The following CTNNA1 variants were observed in gnomAD, a reference collection of about 807,000 sequenced individuals.
The protein encoded by CTNNA1 is catenin alpha 1.
In CTNNA1, 37 loss-of-function variants were observed where a neutral mutation model predicts 98.4. The observed-to-expected ratio is 0.38, with a 90% CI of 0.29 to 0.49. The LOEUF is 0.49. Among genes scored for constraint, CTNNA1 ranks in the 20% least tolerant of loss-of-function variants. The pLI is 0.95. For synonymous variants in CTNNA1, 404 were observed against 413.2 expected (o/e 0.98, Z 0.27); for missense variants, 761 against 1,147.2 (o/e 0.66, Z 4.86).
chr5:138,801,064 T>C (rs1757525790), intron 3 of CTNNA1, among the ~76,000 whole-genome samples: 1 of 152,228 alleles, frequency 6.6e-6, no homozygotes, highest in Non-Finnish European at 1.5e-5. Flanking sequence ...TGCAATTTAC[T>C]GGCTGTGAAC....
intron 7 of CTNNA1, among the ~76,000 whole-genome samples, chr5:138,841,087 C>T (rs1054868829): frequency 6.6e-6 from 1 of 152,070 alleles, no homozygotes; most frequent in East Asian, 1.9e-4. Flanking sequence ...AGTCATAATG[C>T]CAACTTAGAA....
chr5:138,930,666 C>T lies in CTNNA1; in HGVS notation c.2192+12C>T. On this transcript the variant is annotated intron_variant, in intron 15 of 17. Transcript: ENST00000302763. ...ACAGACTTTACCCGGTGAGCAGCACCCCGGCCCCACCAGGCTGCACAGGGG... is the reference window on the plus strand; with the variant it reads ...ACAGACTTTACCCGGTGAGCAGCACTCCGGCCCCACCAGGCTGCACAGGGG... The T allele has an allele frequency of 6.2e-7, 1 of 1,606,920 alleles. No individual in the cohort carries two copies. Among genetic ancestry groups the T allele is most frequent in the Non-Finnish European group, 8.5e-7 (1 of 1,175,444 alleles).
intron 3 of CTNNA1, among the ~76,000 whole-genome samples, chr5:138,792,493 A>G (rs1756488329): frequency 6.6e-6 from 1 of 152,230 alleles, no homozygotes. Flanking sequence ...CGTATCAGTG[A>G]CTGTTTTAAG....
chr5:138,800,333 T>C (rs1757440156), intron 3 of CTNNA1, among the ~76,000 whole-genome samples: 2 of 152,324 alleles, frequency 1.3e-5, no homozygotes, highest in South Asian at 4.1e-4. Context: ...GCAAAGTCAT[T>C]ATATGACAAT....
At chr5:138,790,705 C>G (rs1254816913) in intron 3 of CTNNA1, among the ~76,000 whole-genome samples, 1 of 152,120 alleles carries the variant, frequency 6.6e-6, no homozygotes, top group African/African-American at 2.4e-5. Context: ...AGTAGAAAAT[C>G]AAGAAATGAT....
At chr5:138,788,181 T>C (rs1755928243) in intron 3 of CTNNA1, among the ~76,000 whole-genome samples, 1 of 152,204 alleles carries the variant, frequency 6.6e-6, no homozygotes, top group Non-Finnish European at 1.5e-5. Context: ...TTTAAGTTGG[T>C]TGCCTTTTCC....
chr5:138,794,695 C>A (rs1756741958), intron 3 of CTNNA1, among the ~76,000 whole-genome samples: 1 of 151,808 alleles, frequency 6.6e-6, no homozygotes. Flanking sequence ...ATTACCAGAT[C>A]ATAGAAAATG....
At chr5:138,847,532 T>TG (rs1762834620) in intron 7 of CTNNA1, among the ~76,000 whole-genome samples, 1 of 152,232 alleles carries the variant, frequency 6.6e-6, no homozygotes, top group African/African-American at 2.4e-5. Flanking sequence ...TTTTTATTGT[T>TG]GCTTTATTCG....
chr5:138,813,898 A>G (rs1581126299), intron 5 of CTNNA1, among the ~76,000 whole-genome samples: 1 of 152,216 alleles, frequency 6.6e-6, no homozygotes, highest in African/African-American at 2.4e-5. Flanking sequence ...GATTACAGGC[A>G]TGAGCCACTG....
intron 17 of CTNNA1, 116 bp from the exon 18 acceptor site, chr5:138,933,686 T>C: frequency 9.3e-7 from 1 of 1,078,104 alleles, no homozygotes; most frequent in Non-Finnish European, 1.3e-6. Context: ...CTCTGCGACC[T>C]GCCCAGGCCC....
intron 7 of CTNNA1, among the ~76,000 whole-genome samples, chr5:138,863,099 G>GT (rs1764433278): frequency 6.6e-6 from 1 of 151,902 alleles, no homozygotes; most frequent in African/African-American, 2.4e-5. Flanking sequence ...GTGTGGATCA[G>GT]GGCTCCTAAC....
intron 3 of CTNNA1, among the ~76,000 whole-genome samples, chr5:138,805,204 G>A (rs1223766049): frequency 2.6e-5 from 4 of 152,044 alleles, no homozygotes; most frequent in Admixed American, 1.3e-4. Context: ...CTCCCACCAG[G>A]CCCCACCTCC....
At chr5:138,817,411 A>G (rs556587323) in intron 5 of CTNNA1, among the ~76,000 whole-genome samples, 17 of 152,146 alleles carry the variant, frequency 1.1e-4, no homozygotes, top group African/African-American at 4.1e-4. Context: ...TTTTGATTCA[A>G]TCTCTTTGGG....
At chr5:138,791,401 G>A (rs1364670660) in intron 3 of CTNNA1, among the ~76,000 whole-genome samples, 1 of 151,796 alleles carries the variant, frequency 6.6e-6, no homozygotes, top group Non-Finnish European at 1.5e-5. Flanking sequence ...GGCAGATCAC[G>A]AGGTCAGGAG....
chr5:138,927,367 G>A (rs749544820), intron 13 of CTNNA1, among the ~76,000 whole-genome samples: 6 of 152,150 alleles, frequency 3.9e-5, no homozygotes, highest in Admixed American at 2.0e-4. Flanking sequence ...CAGGCAAGCC[G>A]GTGACATGGG....
At chr5:138,863,898 T>G (rs1158809793) in intron 7 of CTNNA1, among the ~76,000 whole-genome samples, 2 of 152,362 alleles carry the variant, frequency 1.3e-5, no homozygotes, top group East Asian at 3.9e-4. Flanking sequence ...TTTCTTGGTA[T>G]GGATCACCAG....
chr5:138,831,027 C>A (rs1393168465), intron 7 of CTNNA1, among the ~76,000 whole-genome samples: 1 of 152,122 alleles, frequency 6.6e-6, no homozygotes, highest in African/African-American at 2.4e-5. Flanking sequence ...ATTGAAATCA[C>A]CTACATTAAT....
At chr5:138,859,662 G>A (rs12658968) in intron 7 of CTNNA1, among the ~76,000 whole-genome samples, 2,038 of 152,258 alleles carry the variant, frequency 0.013, 50 homozygotes, top group African/African-American at 0.04. Flanking sequence ...AGTGGCTCAC[G>A]CCTGTAATCC....
intron 1 of CTNNA1, among the ~76,000 whole-genome samples, chr5:138,778,068 C>T (rs1020795469): frequency 1.4e-5 from 2 of 145,810 alleles, no homozygotes; most frequent in Admixed American, 1.4e-4. Context: ...TCTCCACTCA[C>T]TGCAAGTTCT....
Sources: gnomAD v4.1 joint callset for allele counts (sites outside exome capture counted in the v4.1 genomes callset) on GRCh38, gnomAD v4.1.1 for gene constraint, MANE v1.5 for transcripts, NCBI Gene and HGNC (gene_info 2026-07-23, HGNC 2026-07-21) for gene names.